NPAS3: variants seen among roughly 807,000 people sequenced by gnomAD.
The protein encoded by NPAS3 is neuronal PAS domain protein 3.
Under a neutral mutation model 73.1 loss-of-function variants are expected in NPAS3, and 14 were observed. The observed-to-expected ratio is 0.19, with a 90% confidence interval of 0.13 to 0.30. The LOEUF is 0.30. Among genes scored for constraint, NPAS3 ranks in the 10% least tolerant of loss-of-function variants. The probability of loss-of-function intolerance (pLI) is 1.00; values close to 1 mark genes in which losing one functional copy is unlikely to be tolerated. For synonymous variants in NPAS3, 620 were observed against 541.5 expected (o/e 1.14, Z -2.01); for missense variants, 1,096 against 1,250.0 (o/e 0.88, Z 1.86).
At chr14:33,013,217 T>A (rs2039275159) in intron 1 of NPAS3, among the ~76,000 whole-genome samples, 1 of 152,234 alleles carries the variant, frequency 6.6e-6, no homozygotes, top group Non-Finnish European at 1.5e-5. Context: ...TTGGCTGTTA[T>A]TTCATAAATA....
chr14:33,637,187 T>C (rs1008770394), intron 5 of NPAS3, among the ~76,000 whole-genome samples: 2 of 152,214 alleles, frequency 1.3e-5, no homozygotes, highest in Non-Finnish European at 2.9e-5. Context: ...TCTAAAGATA[T>C]TGAGAAGTCA....
intron 10 of NPAS3, among the ~76,000 whole-genome samples, chr14:33,796,503 T>C (rs1349407669): frequency 1.3e-5 from 2 of 152,220 alleles, no homozygotes; most frequent in Non-Finnish European, 2.9e-5. Flanking sequence ...CTCTTTACTA[T>C]AGGAATTTCG....
In NPAS3 at chr14:33,800,899, C is replaced by A; in HGVS notation, c.2592C>A (p.Asp864Glu). Residue 864 changes from aspartate to glutamate, a missense_variant, in exon 12 of 12, where the codon GAC becomes GAA. Physicochemically the swap from Asp to Glu is conservative, Grantham distance 45. Transcript: ENST00000356141. The surrounding 1 kb of genome is among the most constrained non-coding windows in gnomAD (Gnocchi z 6.5). ...TTAACAGCCCCGGCTTTGGCCTCGACCCCAAGACGCCCATGGAGATGCTCT... is the reference window on the plus strand; with the variant it reads ...TTAACAGCCCCGGCTTTGGCCTCGAACCCAAGACGCCCATGGAGATGCTCT... 6.2e-7 allele frequency: 1 copy of A among 1,608,062 alleles called. No individual in the cohort carries two copies. Among genetic ancestry groups the A allele is most frequent in the South Asian group, 1.1e-5 (1 of 89,716 alleles).
intron 2 of NPAS3, among the ~76,000 whole-genome samples, chr14:33,068,048 C>T (rs1388970784): frequency 6.6e-6 from 1 of 152,188 alleles, no homozygotes; most frequent in Non-Finnish European, 1.5e-5. Flanking sequence ...TCCTATCTTA[C>T]TCAGTTTGGT....
chr14:33,161,648 C>G (rs1417404808), intron 2 of NPAS3, among the ~76,000 whole-genome samples: 1 of 152,118 alleles, frequency 6.6e-6, no homozygotes, highest in South Asian at 2.1e-4. Context: ...ATGGCTTCCT[C>G]CATGGTTTAA....
chr14:33,644,805 G>A (rs1050252232), intron 5 of NPAS3, among the ~76,000 whole-genome samples: 3 of 152,140 alleles, frequency 2.0e-5, no homozygotes, highest in Non-Finnish European at 2.9e-5. Context: ...AGATGAGGCC[G>A]GATGTGGTGG....
At chr14:33,799,610 C>G in intron 11 of NPAS3, 124 bp from the exon 12 acceptor site, 1 of 943,268 alleles carries the variant, frequency 1.1e-6, no homozygotes, top group East Asian at 2.6e-5. Flanking sequence ...GTGATGAGGA[C>G]GGACACTTGC....
At chr14:33,152,165 G>A (rs2044471798) in intron 2 of NPAS3, among the ~76,000 whole-genome samples, 1 of 152,004 alleles carries the variant, frequency 6.6e-6, no homozygotes, top group Admixed American at 6.6e-5. Flanking sequence ...GCGCAGGAAA[G>A]CCCCTGCAAC....
chr14:33,446,899 T>A (rs894596372), intron 4 of NPAS3, among the ~76,000 whole-genome samples: 1 of 152,260 alleles, frequency 6.6e-6, no homozygotes, highest in African/African-American at 2.4e-5. Context: ...AAATACTATG[T>A]TTGAATCTTA....
chr14:33,793,108 T>A (rs2063409808), intron 9 of NPAS3, among the ~76,000 whole-genome samples: 1 of 152,270 alleles, frequency 6.6e-6, no homozygotes, highest in South Asian at 2.1e-4. Context: ...AACATCTGCA[T>A]TTTAAAGCTC....
intron 6 of NPAS3, among the ~76,000 whole-genome samples, chr14:33,725,024 A>G (rs2061224901): frequency 6.6e-6 from 1 of 152,206 alleles, no homozygotes; most frequent in South Asian, 2.1e-4. Flanking sequence ...GTGATGTAAT[A>G]ATACGGACAA....
intron 2 of NPAS3, among the ~76,000 whole-genome samples, chr14:33,160,105 A>G (rs2044807309): frequency 6.6e-6 from 1 of 152,190 alleles, no homozygotes; most frequent in African/African-American, 2.4e-5. Context: ...TCTTACATAT[A>G]AAACTTTCTT....
chr14:33,437,401 A>G (rs999369452), intron 4 of NPAS3, among the ~76,000 whole-genome samples: 2 of 152,152 alleles, frequency 1.3e-5, no homozygotes, highest in Non-Finnish European at 2.9e-5. Flanking sequence ...GGCCATAGAG[A>G]AAGTCAGGTT....
chr14:33,675,547 A>T (rs1595413385), intron 5 of NPAS3, among the ~76,000 whole-genome samples: 1 of 152,238 alleles, frequency 6.6e-6, no homozygotes, highest in Non-Finnish European at 1.5e-5. Context: ...TTGAAGGCAA[A>T]ACAAGCTGAT....
chr14:33,455,046 G>A (rs1398775440), intron 4 of NPAS3, among the ~76,000 whole-genome samples: 1 of 152,226 alleles, frequency 6.6e-6, no homozygotes. Context: ...TAAACATTTT[G>A]TGTGCATTTT....
At chr14:33,548,752 A>ACTCTGTGC (rs2054968017) in intron 4 of NPAS3, among the ~76,000 whole-genome samples, 10 of 152,152 alleles carry the variant, frequency 6.6e-5, no homozygotes, top group Admixed American at 5.9e-4. Flanking sequence ...GCAGGCTAAC[A>ACTCTGTGC]CTCTGTGCTG....
chr14:33,144,585 G>A (rs1038514733), intron 2 of NPAS3, among the ~76,000 whole-genome samples: 15 of 151,930 alleles, frequency 9.9e-5, no homozygotes, highest in Non-Finnish European at 1.5e-4. Context: ...TCTATCATCC[G>A]GGCAGGAGTG....
At chr14:33,050,011 A>G (rs1403730678) in intron 1 of NPAS3, among the ~76,000 whole-genome samples, 1 of 152,200 alleles carries the variant, frequency 6.6e-6, no homozygotes, top group Non-Finnish European at 1.5e-5. Context: ...GAATTAGCAG[A>G]AACTGCAGGA....
chr14:33,265,008 G>T (rs1194263290), intron 3 of NPAS3, among the ~76,000 whole-genome samples: 1 of 152,180 alleles, frequency 6.6e-6, no homozygotes, highest in Non-Finnish European at 1.5e-5. Flanking sequence ...TAGCAGAAAG[G>T]CAGGCACAGA....
Sources: gnomAD v4.1 joint callset for allele counts (sites outside exome capture counted in the v4.1 genomes callset) on GRCh38, gnomAD v4.1.1 for gene constraint, Gnocchi (gnomAD v3.1) non-coding constraint, MANE v1.5 for transcripts, NCBI Gene and HGNC (gene_info 2026-07-23, HGNC 2026-07-21) for gene names.